DDX19B: variants seen among roughly 807,000 people sequenced by gnomAD.
The protein encoded by DDX19B is DEAD-box helicase 19B, also known as ATP-dependent RNA helicase DDX19B.
DDX19B carries 27 observed loss-of-function variants against 58.1 expected under a neutral mutation model. The observed-to-expected ratio is 0.46, with a 90% CI of 0.34 to 0.64. The LOEUF is 0.64. Ranked by LOEUF, DDX19B falls within the 30% of genes least tolerant of loss-of-function variation. The pLI is 0.01. For missense variants in DDX19B, 399 were observed against 596.5 expected, an observed-to-expected ratio of 0.67 and a Z score of 3.45; for synonymous variants, 187 against 214.4, an observed-to-expected ratio of 0.87 and a Z score of 1.12.
chr16:70,319,933 A>G (rs559024952), intron 5 of DDX19B, among the ~76,000 whole-genome samples: 16 of 152,186 alleles, frequency 1.1e-4, no homozygotes, highest in South Asian at 8.3e-4. Context: ...TTAGGTCTGT[A>G]CTTTCTCAAA....
intron 1 of DDX19B, among the ~76,000 whole-genome samples, chr16:70,309,572 C>A (rs1961970678): frequency 1.3e-5 from 2 of 151,296 alleles, no homozygotes; most frequent in Admixed American, 6.6e-5. Flanking sequence ...GTAATCCCAG[C>A]ACTTTGGGAG....
chr16:70,327,136 CTTCT>C (rs1266610379), intron 7 of DDX19B, among the ~76,000 whole-genome samples: 4 of 151,770 alleles, frequency 2.6e-5, no homozygotes, highest in Non-Finnish European at 5.9e-5. Flanking sequence ...GCCTGGCCGC[CTTCT>C]TTTTTTTATT....
At chr16:70,320,789 C>T (rs1962743263) in intron 5 of DDX19B, among the ~76,000 whole-genome samples, 1 of 151,214 alleles carries the variant, frequency 6.6e-6, no homozygotes, top group African/African-American at 2.4e-5. Flanking sequence ...GAACTCCTGA[C>T]CTCGTGATCC....
chr16:70,314,432 G>C (rs1962257823), intron 2 of DDX19B, among the ~76,000 whole-genome samples: 1 of 152,142 alleles, frequency 6.6e-6, no homozygotes, highest in Non-Finnish European at 1.5e-5. Context: ...GGAGGCCAAG[G>C]CAGGCGGATC....
In DDX19B at chr16:70,325,659, A is replaced by G. The variant is rs1963104338; in HGVS notation, c.578A>G (p.Lys193Arg). The G allele has an allele frequency of 1.2e-6, 2 of 1,613,990 alleles. No homozygotes were observed. The highest frequency in any genetic ancestry group is 3.3e-5 in the Admixed American group (2 of 59,978). The change falls in exon 7 of 12, where the codon AAG (lysine) becomes AGG (arginine). Residue 193 changes from lysine to arginine, a missense_variant. Lys to Arg is a conservative substitution (Grantham distance 26). Transcript: ENST00000288071. Reference protein sequence around the residue: ...EQMGKFYPELKLAYAVRGNKL... With the variant: ...EQMGKFYPELRLAYAVRGNKL... Reference sequence around the variant, plus strand: ...ATGGGCAAATTTTACCCTGAACTGAAGCTAGCTTATGCTGTTCGAGGCAAT... The same window carrying G: ...ATGGGCAAATTTTACCCTGAACTGAGGCTAGCTTATGCTGTTCGAGGCAAT...
intron 2 of DDX19B, 62 bp downstream of exon 2, chr16:70,312,719 A>G (rs1962156756): frequency 6.8e-6 from 10 of 1,466,240 alleles, no homozygotes; most frequent in South Asian, 1.2e-5. Context: ...TTGTTTTGGC[A>G]TAACAACTGT....
intron 1 of DDX19B, among the ~76,000 whole-genome samples, chr16:70,310,549 A>G (rs1435314129): frequency 1.3e-5 from 2 of 152,058 alleles, no homozygotes; most frequent in Non-Finnish European, 2.9e-5. Flanking sequence ...CGTCTGCAGA[A>G]AAAAAAGAAA....
chr16:70,292,807 C>G (rs76001455), upstream of DDX19B, among the ~76,000 whole-genome samples: 1 of 150,910 alleles, frequency 6.6e-6, no homozygotes, highest in African/African-American at 2.4e-5. Context: ...CAGCCTGGGC[C>G]GCAGAGTGAA....
chr16:70,316,573 T>G (rs1220978361), intron 4 of DDX19B, among the ~76,000 whole-genome samples: 1 of 152,146 alleles, frequency 6.6e-6, no homozygotes, highest in Non-Finnish European at 1.5e-5. Context: ...CCCAGCACTT[T>G]TGGAGGCCAA....
At chr16:70,294,798 G>C, upstream of DDX19B, 2 of 1,409,800 alleles carry the variant, frequency 1.4e-6, no homozygotes. Flanking sequence ...GGCTTGGCCA[G>C]TGCCAAGAGC....
At chr16:70,295,430 C>T (rs978057598), upstream of DDX19B, among the ~76,000 whole-genome samples, 12 of 151,896 alleles carry the variant, frequency 7.9e-5, no homozygotes, top group African/African-American at 2.4e-4. Context: ...CACGCCACCA[C>T]GCCCAGCTAC....
At chr16:70,318,827 G>A (rs1189341758) in intron 5 of DDX19B, among the ~76,000 whole-genome samples, 2 of 139,232 alleles carry the variant, frequency 1.4e-5, no homozygotes, top group South Asian at 2.3e-4. Flanking sequence ...ACATATGGCC[G>A]GGAGCAGTGG....
chr16:70,306,288 A>C (rs1369590863), intron 1 of DDX19B, among the ~76,000 whole-genome samples: 3 of 152,044 alleles, frequency 2.0e-5, no homozygotes, highest in African/African-American at 7.2e-5. Flanking sequence ...AGTAGCTGGG[A>C]CTACAGGTGT....
At chr16:70,302,388 G>A (rs537186242) in intron 1 of DDX19B, among the ~76,000 whole-genome samples, 1 of 152,194 alleles carries the variant, frequency 6.6e-6, no homozygotes, top group South Asian at 2.1e-4. Flanking sequence ...ACAACTTCTT[G>A]TAGTTCACTC....
intron 1 of DDX19B, among the ~76,000 whole-genome samples, chr16:70,302,035 C>G (rs2152184707): frequency 6.6e-6 from 1 of 152,144 alleles, no homozygotes; most frequent in Non-Finnish European, 1.5e-5. Flanking sequence ...ATTCTCCTGC[C>G]TCAGCCTCCC....
upstream of DDX19B, among the ~76,000 whole-genome samples, chr16:70,290,419 C>T (rs1230159921): frequency 6.6e-6 from 1 of 151,848 alleles, no homozygotes; most frequent in Non-Finnish European, 1.5e-5. Context: ...CCCAGCCACT[C>T]GGGAGGCTGA....
rs1204975490 is a variant in DDX19B at position 70,322,945 on chromosome 16, G to T, written c.390-1640G>T. Among the ~76,000 whole-genome samples the T allele has an allele frequency of 2.7e-5, 4 of 148,618 alleles. No individual in the cohort carries two copies. In the East Asian group the frequency reaches 7.8e-4, roughly 29 times the overall value. On this transcript the variant is annotated intron_variant, in intron 5 of 11. Transcript: ENST00000288071. ...CATAAGGAACAGCTTACTTTTGCCA[G>T]ATTTTAAAATTCCACCTGTGGCCGG...
intron 5 of DDX19B, 53 bp downstream of exon 5, chr16:70,317,641 CTAT>C (rs756120006): frequency 6.6e-7 from 1 of 1,521,444 alleles, no homozygotes; most frequent in East Asian, 2.3e-5. Context: ...TTTTTGAAAA[CTAT>C]TATTATTTTC....
chr16:70,317,000 A>AT (rs1211772753), intron 4 of DDX19B, among the ~76,000 whole-genome samples: 1 of 151,990 alleles, frequency 6.6e-6, no homozygotes, highest in Admixed American at 6.6e-5. Flanking sequence ...AGGTCCAGAG[A>AT]TTGAGATCAT....
Sources: allele counts gnomAD v4.1 joint callset (sites outside exome capture counted in the v4.1 genomes callset), GRCh38; gene constraint gnomAD v4.1.1; transcripts MANE v1.5; gene names NCBI Gene and HGNC (gene_info 2026-07-23, HGNC 2026-07-21).